Variants in BRINP3 observed in about 807,000 individuals in gnomAD.
BRINP3 encodes BMP/retinoic acid inducible neural specific 3.
BRINP3 carries 19 observed loss-of-function variants against 71.0 expected under a neutral mutation model. The ratio of observed to expected loss-of-function variants is 0.27; its 90% CI spans 0.19 to 0.39. The LOEUF (loss-of-function observed/expected upper bound fraction) is 0.39. BRINP3 is among the 10% of genes least tolerant of loss of function. The pLI, the probability that BRINP3 is intolerant of heterozygous loss-of-function variation, is 1.00. For synonymous variants in BRINP3, 380 were observed against 337.7 expected, an observed-to-expected ratio of 1.13 and a Z score of -1.37; for missense variants, 959 against 940.8, an observed-to-expected ratio of 1.02 and a Z score of -0.25.
At chr1:190,154,595 T>C (rs1656702721) in intron 7 of BRINP3, among the ~76,000 whole-genome samples, 1 of 152,166 alleles carries the variant, frequency 6.6e-6, no homozygotes. Context: ...AGTGGGGATA[T>C]ATTCCTTACT....
chr1:190,455,542 C>A (rs1675929598), intron 1 of BRINP3, among the ~76,000 whole-genome samples: 1 of 151,958 alleles, frequency 6.6e-6, no homozygotes, highest in Non-Finnish European at 1.5e-5. Context: ...GATAGAAAGA[C>A]AGACTGATAC....
At chr1:190,470,132 G>C (rs983046959) in intron 1 of BRINP3, among the ~76,000 whole-genome samples, 15 of 150,826 alleles carry the variant, frequency 9.9e-5, no homozygotes, top group Admixed American at 7.3e-4. Context: ...TTTTTTAATA[G>C]TGCAATATTT....
chr1:190,139,399 A>T (rs1264719153), intron 7 of BRINP3, among the ~76,000 whole-genome samples: 1 of 149,664 alleles, frequency 6.7e-6, no homozygotes, highest in Admixed American at 6.7e-5. Context: ...TTGCAGTGAG[A>T]CAAGATCTCA....
chr1:190,099,484 G>A (rs1651505540), intron 7 of BRINP3, among the ~76,000 whole-genome samples: 1 of 151,960 alleles, frequency 6.6e-6, no homozygotes, highest in South Asian at 2.1e-4. Flanking sequence ...AATAAAAATG[G>A]GTCATTATTG....
intron 2 of BRINP3, among the ~76,000 whole-genome samples, chr1:190,392,710 C>A (rs1010806001): frequency 2.0e-5 from 3 of 151,526 alleles, no homozygotes; most frequent in East Asian, 3.9e-4. Context: ...AAATTTAAAA[C>A]CTCCATGTAC....
At chr1:190,254,283 G>GTT (rs147239463) in intron 4 of BRINP3, among the ~76,000 whole-genome samples, 1 of 147,360 alleles carries the variant, frequency 6.8e-6, no homozygotes, top group Non-Finnish European at 1.5e-5. Flanking sequence ...CTTTAAAATA[G>GTT]TTTTTTTTTT....
intron 1 of BRINP3, among the ~76,000 whole-genome samples, chr1:190,465,230 A>G (rs1676661201): frequency 6.6e-6 from 1 of 152,036 alleles, no homozygotes; most frequent in Non-Finnish European, 1.5e-5. Flanking sequence ...ATTTTAATTC[A>G]TAAAGAAATT....
chr1:190,108,892 T>C (rs1652428181), intron 7 of BRINP3, among the ~76,000 whole-genome samples: 1 of 151,900 alleles, frequency 6.6e-6, no homozygotes, highest in Admixed American at 6.6e-5. Flanking sequence ...ACTTGTGGGG[T>C]AAACCACAGC....
intron 6 of BRINP3, among the ~76,000 whole-genome samples, chr1:190,217,410 T>C (rs1162671806): frequency 6.6e-6 from 1 of 151,994 alleles, no homozygotes; most frequent in African/African-American, 2.4e-5. Flanking sequence ...TGCTCTTTCA[T>C]ATATCTTACT....
chr1:190,300,576 A>T (rs1312569189), intron 2 of BRINP3, among the ~76,000 whole-genome samples: 3 of 152,136 alleles, frequency 2.0e-5, no homozygotes. Context: ...GCAGCTGGAG[A>T]TCTGAGAACG....
chr1:190,157,349 C>T (rs1656960540), intron 7 of BRINP3, among the ~76,000 whole-genome samples: 1 of 151,992 alleles, frequency 6.6e-6, no homozygotes, highest in Non-Finnish European at 1.5e-5. Flanking sequence ...GCAGTTCAAA[C>T]TCGTGTTGTT....
At chr1:190,156,824 A>G (rs1656909761) in intron 7 of BRINP3, among the ~76,000 whole-genome samples, 1 of 152,038 alleles carries the variant, frequency 6.6e-6, no homozygotes, top group Non-Finnish European at 1.5e-5. Context: ...TTCTAATGCA[A>G]ATATTACACT....
chr1:190,271,894 A>G (rs544285530), intron 3 of BRINP3, among the ~76,000 whole-genome samples: 2 of 151,702 alleles, frequency 1.3e-5, no homozygotes, highest in Admixed American at 1.3e-4. Flanking sequence ...TACTTCGCAC[A>G]TGTTAGGTTG....
At chr1:190,315,517 G>C (rs111274094) in intron 2 of BRINP3, among the ~76,000 whole-genome samples, 1 of 152,062 alleles carries the variant, frequency 6.6e-6, no homozygotes, top group East Asian at 1.9e-4. Flanking sequence ...CCATAAATTC[G>C]GAAGTCTTCA....
At chr1:190,326,738 A>G (rs1666601070) in intron 2 of BRINP3, among the ~76,000 whole-genome samples, 1 of 152,140 alleles carries the variant, frequency 6.6e-6, no homozygotes. Flanking sequence ...AATATTTTCC[A>G]GACAAACAAG....
chr1:190,266,220 GA>G (rs1323861447), intron 3 of BRINP3, among the ~76,000 whole-genome samples: 1 of 152,116 alleles, frequency 6.6e-6, no homozygotes, highest in African/African-American at 2.4e-5. Context: ...TCACTTTTAT[GA>G]AAAGGCAAAT....
chr1:190,227,628 T>A (rs1008651389), intron 5 of BRINP3, among the ~76,000 whole-genome samples: 1 of 151,870 alleles, frequency 6.6e-6, no homozygotes, highest in South Asian at 2.1e-4. Context: ...GTAAAAAAAC[T>A]TTTTATTAAA....
chr1:190,286,897 A>T (rs1663467659), intron 2 of BRINP3, among the ~76,000 whole-genome samples: 1 of 152,036 alleles, frequency 6.6e-6, no homozygotes, highest in Non-Finnish European at 1.5e-5. Context: ...TTTATTGAGA[A>T]ACTGTGATAT....
At chr1:190,177,150 CTTTTTTTTTTTTTTTT>C (rs1030190199) in intron 6 of BRINP3, among the ~76,000 whole-genome samples, 9 of 63,212 alleles carry the variant, frequency 1.4e-4, no homozygotes, top group Non-Finnish European at 2.0e-4. Flanking sequence ...GCACCCACTT[CTTTTTTTTTTTTTTTT>C]TTTTTTTTTT....
Sources: allele counts gnomAD v4.1 joint callset (sites outside exome capture counted in the v4.1 genomes callset), GRCh38; gene constraint gnomAD v4.1.1; transcripts MANE v1.5; gene names NCBI Gene and HGNC (gene_info 2026-07-23, HGNC 2026-07-21).